Variants in PALMD observed in about 807,000 individuals in gnomAD.
The protein encoded by PALMD is paralemmin-like protein.
In PALMD, 42 loss-of-function variants were observed where a neutral mutation model predicts 56.2. That is an observed-to-expected ratio of 0.75 (90% CI 0.58 to 0.97). The LOEUF (loss-of-function observed/expected upper bound fraction) is 0.97, where lower values mean the gene tolerates loss of function less well. Ranked by LOEUF, PALMD falls within the 50% of genes least tolerant of loss-of-function variation. PALMD has a pLI of 0.00. For synonymous variants in PALMD, 242 were observed against 222.9 expected, an observed-to-expected ratio of 1.09 and a Z score of -0.76; for missense variants, 660 against 643.8, an observed-to-expected ratio of 1.03 and a Z score of -0.27.
Position 99,689,334 on chromosome 1 carries a change from G to A in PALMD, c.1074G>A (p.Gln358=). 5 of 1,613,626 alleles carry A rather than the reference G, an allele frequency of 3.1e-6. No homozygotes were observed. Among genetic ancestry groups the A allele is most frequent in the Non-Finnish European group, 4.2e-6 (5 of 1,179,830 alleles). The part of the protein sequence containing the change: ...MTPWEESNVM[Q]DKDAPSPKPR... Reference sequence around the variant, plus strand: ...CTTGGGAAGAATCGAATGTCATGCAGGACAAAGATGCACCCTCTCCAAAGC... The same window carrying A: ...CTTGGGAAGAATCGAATGTCATGCAAGACAAAGATGCACCCTCTCCAAAGC... Residue 358 remains glutamine, a synonymous_variant, in exon 7 of 8, where the codon CAG becomes CAA. Coordinates refer to ENST00000263174, the MANE Select transcript of PALMD (RefSeq NM_017734.5).
rs544499629 is a variant in PALMD at position 99,686,540 on chromosome 1, T to C, written c.252-136T>C. On this transcript the variant is annotated intron_variant, in intron 3 of 7. Transcript: ENST00000263174. ...ATCATGCTTAGTGTGATGCTAAGTG[T>C]GACATTATATTCTTAGAAAGTGTCT... The C allele has an allele frequency of 4.5e-5, 25 of 550,716 alleles. No individual in the cohort carries two copies. In the South Asian group the frequency reaches 7.0e-4, roughly 15 times the overall value. 34.1% of individuals were successfully genotyped at this position (550,716 alleles called of 1,614,324 possible). A position where few individuals can be genotyped will look rare whatever the true frequency, so the allele number is the denominator to read the frequency against.
Position 99,652,680 on chromosome 1 carries a change from G to GA in PALMD, c.45+6321dup, listed in dbSNP as rs1362389151. Among the ~76,000 whole-genome samples the GA allele has an allele frequency of 7.2e-4, 68 of 94,782 alleles. No homozygotes were observed. The East Asian group carries it at 8.6e-3, about 12-fold the overall frequency. The allele number at this position is 94,782 out of a possible 152,430, so 62.2% of individuals were successfully genotyped here. A position where few individuals can be genotyped will look rare whatever the true frequency, so the allele number is the denominator to read the frequency against. On this transcript the variant is annotated intron_variant, in intron 1 of 7. Coordinates refer to ENST00000263174, the MANE Select transcript of PALMD (RefSeq NM_017734.5). ...GAAAAGAAAGGAAAGGAAAGGAAAG[G>GA]AAAGGAAAGGAAAGGAAAAGAAAAG...
chr1:99,660,020 G>A (rs1002521121), intron 1 of PALMD, among the ~76,000 whole-genome samples: 2 of 152,188 alleles, frequency 1.3e-5, no homozygotes, highest in Admixed American at 6.5e-5. Context: ...CTGGCAATGA[G>A]CAGGGGTGGG....
rs1652627867 is a variant in PALMD, at chr1:99,652,811, A to C, written c.45+6449A>C. 2.0e-5 allele frequency among the ~76,000 whole-genome samples: 3 copies of C among 152,276 alleles called. No homozygotes were observed. In the South Asian group the frequency reaches 6.2e-4, roughly 32 times the overall value. On this transcript the variant is annotated intron_variant, in intron 1 of 7. Coordinates refer to ENST00000263174, the MANE Select transcript of PALMD (RefSeq NM_017734.5). ...GTTTGACGTGGAGCCAAGAGAAGAA[A>C]CTATGGAGGGTCTGCTTTGCTTAAC...
At chr1:99,652,377 G>T (rs1281021935) in intron 1 of PALMD, among the ~76,000 whole-genome samples, 1 of 152,128 alleles carries the variant, frequency 6.6e-6, no homozygotes, top group African/African-American at 2.4e-5. Flanking sequence ...GTTGAGGCAG[G>T]CGGATCACTT....
At chr1:99,667,434 G>T in intron 2 of PALMD, 1 of 529,752 alleles carries the variant, frequency 1.9e-6, no homozygotes. Flanking sequence ...AAGTATAAAT[G>T]GGATTTAGAT....
At chr1:99,658,832 G>C (rs1026579167) in intron 1 of PALMD, among the ~76,000 whole-genome samples, 4 of 151,666 alleles carry the variant, frequency 2.6e-5, no homozygotes, top group African/African-American at 9.7e-5. Flanking sequence ...TGTAGTCCCA[G>C]CTACTTGAGA....
At chr1:99,653,730 C>A (rs1222766878) in intron 1 of PALMD, among the ~76,000 whole-genome samples, 1 of 152,058 alleles carries the variant, frequency 6.6e-6, no homozygotes, top group Admixed American at 6.6e-5. Flanking sequence ...TCACATGGAT[C>A]GACACCCCCC....
intron 1 of PALMD, among the ~76,000 whole-genome samples, chr1:99,648,697 C>T (rs1394124154): frequency 2.0e-5 from 3 of 151,782 alleles, no homozygotes; most frequent in East Asian, 1.9e-4. Flanking sequence ...GATCTATTTG[C>T]TTTTTACATT....
At chr1:99,693,904 T>C (rs1195244545) in intron 7 of PALMD, 115 bp from the exon 8 acceptor site, 3 of 703,218 alleles carry the variant, frequency 4.3e-6, no homozygotes, top group East Asian at 2.8e-5. Flanking sequence ...GCTCACACTG[T>C]TGGATAAAAC....
intron 1 of PALMD, among the ~76,000 whole-genome samples, chr1:99,653,286 A>G (rs1652636233): frequency 6.6e-6 from 1 of 152,194 alleles, no homozygotes; most frequent in Non-Finnish European, 1.5e-5. Context: ...TTTTTCACTG[A>G]AGACCCGGCC....
chr1:99,686,646 G>A, intron 3 of PALMD, 30 bp from the exon 4 acceptor site: 1 of 1,128,004 alleles, frequency 8.9e-7, no homozygotes, highest in Non-Finnish European at 1.3e-6. Context: ...ACTGTGTTAA[G>A]CAATAAAAAG....
chr1:99,657,076 G>T (rs1286988817), intron 1 of PALMD, among the ~76,000 whole-genome samples: 1 of 152,092 alleles, frequency 6.6e-6, no homozygotes, highest in Non-Finnish European at 1.5e-5. Context: ...TTAAATGTAG[G>T]TGCTTCATGG....
At chr1:99,679,474 C>T (rs1008625032) in intron 3 of PALMD, among the ~76,000 whole-genome samples, 4 of 152,078 alleles carry the variant, frequency 2.6e-5, no homozygotes, top group African/African-American at 7.2e-5. Flanking sequence ...AGATAAAGCC[C>T]GGACTTCAAT....
intron 1 of PALMD, among the ~76,000 whole-genome samples, chr1:99,659,115 A>G (rs957034897): frequency 6.6e-6 from 1 of 152,216 alleles, no homozygotes; most frequent in Non-Finnish European, 1.5e-5. Flanking sequence ...GACTAGGCAT[A>G]TTAGAATTTA....
chr1:99,691,189 T>C (rs1450932539), intron 7 of PALMD, among the ~76,000 whole-genome samples: 1 of 152,138 alleles, frequency 6.6e-6, no homozygotes, highest in Non-Finnish European at 1.5e-5. Context: ...CTTAAACTCA[T>C]TTTAAAAACA....
chr1:99,677,443 C>T (rs778650396), intron 3 of PALMD, among the ~76,000 whole-genome samples: 17 of 152,012 alleles, frequency 1.1e-4, no homozygotes, highest in Admixed American at 4.6e-4. Flanking sequence ...AGGAGAGCAT[C>T]AATGTTACAT....
At chr1:99,661,979 A>G (rs923737210) in intron 1 of PALMD, among the ~76,000 whole-genome samples, 1 of 152,180 alleles carries the variant, frequency 6.6e-6, no homozygotes, top group Non-Finnish European at 1.5e-5. Flanking sequence ...ATGTTTCCTC[A>G]CACCTATTTC....
chr1:99,686,094 G>A (rs1257084224), intron 3 of PALMD: 2 of 151,968 alleles, frequency 1.3e-5, no homozygotes, highest in Non-Finnish European at 2.9e-5. Context: ...ACTATATTTG[G>A]TCCATTTCTG....
Sources: gnomAD v4.1 joint callset for allele counts (sites outside exome capture counted in the v4.1 genomes callset) on GRCh38, gnomAD v4.1.1 for gene constraint, MANE v1.5 for transcripts, NCBI Gene and HGNC (gene_info 2026-07-23, HGNC 2026-07-21) for gene names.